AGAP3: variants seen among roughly 807,000 people sequenced by gnomAD.
The protein encoded by AGAP3 is ArfGAP with GTPase domain, ankyrin repeat and PH domain 3.
Under a neutral mutation model 96.9 loss-of-function variants are expected in AGAP3, and 24 were observed. The observed-to-expected ratio is 0.25, with a 90% CI of 0.18 to 0.35. The LOEUF (loss-of-function observed/expected upper bound fraction) is 0.35. AGAP3 is among the 10% of genes least tolerant of loss of function. The pLI is 1.00. For synonymous variants in AGAP3, 563 were observed against 536.1 expected (o/e 1.05, Z -0.69); for missense variants, 876 against 1,254.2 (o/e 0.70, Z 4.55).
At chr7:151,112,158 T>C (rs1799317882) in intron 1 of AGAP3, 1 of 152,240 alleles carries the variant, frequency 6.6e-6, no homozygotes, top group African/African-American at 2.4e-5. Context: ...GAGACATTTA[T>C]GTGGGAGCAG....
In AGAP3 at chr7:151,119,967, G is replaced by A. The variant is rs1006394770; in HGVS notation, c.970-20G>A. On this transcript the variant is annotated intron_variant, in intron 7 of 17. Transcript: ENST00000397238. ...CGCCCCTGACCCGGAGCTGCCCTCAGCAGCCCTCTTTGTCCTTAGGCCACG... is the reference window on the plus strand; with the variant it reads ...CGCCCCTGACCCGGAGCTGCCCTCAACAGCCCTCTTTGTCCTTAGGCCACG... 3 of 1,612,490 alleles carry A rather than the reference G, an allele frequency of 1.9e-6. No individual in the cohort carries two copies. Among genetic ancestry groups the A allele is most frequent in the East Asian group, 4.5e-5 (2 of 44,880 alleles).
chr7:151,109,362 T>A (rs527342859), intron 1 of AGAP3, among the ~76,000 whole-genome samples: 11 of 152,250 alleles, frequency 7.2e-5, no homozygotes, highest in African/African-American at 1.2e-4. Context: ...CCAAAAAGTT[T>A]ACTGTGTCAC....
At chr7:151,117,840 G>C (rs1356191659) in intron 5 of AGAP3, 63 bp downstream of exon 5, 56 of 1,527,258 alleles carry the variant, frequency 3.7e-5, no homozygotes, top group Non-Finnish European at 4.8e-5. Context: ...ATGCATGGGG[G>C]CAGGGGTGGG....
intron 8 of AGAP3, chr7:151,122,912 G>A (rs1175834390): frequency 8.1e-6 from 12 of 1,486,408 alleles, no homozygotes; most frequent in African/African-American, 1.4e-5. Flanking sequence ...AGAGACCCAC[G>A]GGAACCTTTG....
At chr7:151,134,083 G>C (rs1212875846) in intron 10 of AGAP3, among the ~76,000 whole-genome samples, 1 of 152,164 alleles carries the variant, frequency 6.6e-6, no homozygotes, top group African/African-American at 2.4e-5. Context: ...GCCTGGCCCA[G>C]CACTTGGCCT....
rs1369432615 is a variant in AGAP3, at chr7:151,140,167, T to C, written c.1804+51T>C. The C allele has an allele frequency of 2.0e-6, 3 of 1,480,758 alleles. No individual in the cohort carries two copies. The African/African-American group carries it at 4.3e-5, about 21-fold the overall frequency. The allele number at this position is 1,480,758 out of a possible 1,614,324, so 91.7% of individuals were successfully genotyped here. A position where few individuals can be genotyped will look rare whatever the true frequency, so the allele number is the denominator to read the frequency against. On this transcript the variant is annotated intron_variant, in intron 13 of 17. Transcript: ENST00000397238. The surrounding 1 kb of genome is among the most constrained non-coding windows in gnomAD (Gnocchi z 5.4). Reference sequence around the variant, plus strand: ...GGCACAGGAGGTGGGCAGTGGGACTTGGGGATAGTACCCTAAAAGTAACAC... The same window carrying C: ...GGCACAGGAGGTGGGCAGTGGGACTCGGGGATAGTACCCTAAAAGTAACAC...
At position 151,114,971 on chromosome 7, in the gene AGAP3, G is replaced by A. The variant is rs1236491595; in HGVS notation, c.332-1822G>A. The A allele has an allele frequency of 2.0e-6, 2 of 982,580 alleles. No individual in the cohort carries two copies. Among genetic ancestry groups the A allele is most frequent in the Non-Finnish European group, 1.2e-6 (1 of 829,942 alleles). The allele number at this position is 982,580 out of a possible 1,614,324, so 60.9% of individuals were successfully genotyped here. A position where few individuals can be genotyped will look rare whatever the true frequency, so the allele number is the denominator to read the frequency against. ...GCGTGTGCTCGGGCGGCCCGGAGCC[G>A]CCGCCCACCGGCGCCCGCGGCCTTT... On this transcript the variant is annotated intron_variant, in intron 1 of 17. Transcript: ENST00000397238. The surrounding 1 kb of genome is among the most constrained non-coding windows in gnomAD (Gnocchi z 4.4).
At chr7:151,132,773 C>T (rs1198212916) in intron 10 of AGAP3, among the ~76,000 whole-genome samples, 6 of 152,224 alleles carry the variant, frequency 3.9e-5, no homozygotes, top group Non-Finnish European at 8.8e-5. Context: ...GTAACCTCCT[C>T]ACCTTCTCTT....
intron 1 of AGAP3, among the ~76,000 whole-genome samples, chr7:151,092,511 G>A (rs551067949): frequency 1.6e-4 from 25 of 152,342 alleles, no homozygotes; most frequent in Middle Eastern, 6.8e-3. Flanking sequence ...GAAGGGGGGT[G>A]AGCCCAGCCA....
rs1286721719 is a variant in AGAP3, at chr7:151,086,634, C to CCCGGCCCCG, written c.-105_-97dup. Reference sequence around the variant, plus strand: ...AGCCCCGCGCCGCCAGCCCAGTAGTCCCGGCCCCGCCAGCCCCGCGCTCCC... The same window carrying CCCGGCCCCG: ...AGCCCCGCGCCGCCAGCCCAGTAGTCCCGGCCCCGCCGGCCCCGCCAGCCCCGCGCTCCC... On this transcript the variant is annotated 5_prime_UTR_variant, in exon 1 of 18. Coordinates refer to ENST00000397238, the MANE Select transcript of AGAP3 (RefSeq NM_031946.7). 1.3e-5 allele frequency: 2 copies of CCCGGCCCCG among 154,306 alleles called. No homozygotes were observed. The highest frequency in any genetic ancestry group is 2.7e-5 in the Non-Finnish European group (2 of 73,148). The allele number at this position is 154,306 out of a possible 1,614,324, so 9.6% of individuals were successfully genotyped here.
intron 12 of AGAP3, among the ~76,000 whole-genome samples, chr7:151,138,593 C>CGGCGCTA: frequency 6.6e-6 from 1 of 152,298 alleles, no homozygotes; most frequent in South Asian, 2.1e-4. Context: ...TGCCTGGGGC[C>CGGCGCTA]GGCGCTAGAG....
intron 1 of AGAP3, among the ~76,000 whole-genome samples, chr7:151,099,359 A>T (rs1045872589): frequency 6.9e-6 from 1 of 145,026 alleles, no homozygotes; most frequent in Non-Finnish European, 1.5e-5. Flanking sequence ...AAAAAAAAAA[A>T]TCAGAATAAT....
intron 1 of AGAP3, among the ~76,000 whole-genome samples, chr7:151,102,402 A>G (rs1798867139): frequency 6.6e-6 from 1 of 152,170 alleles, no homozygotes; most frequent in Non-Finnish European, 1.5e-5. Context: ...CAAGATTGAC[A>G]GCTTCTGCTG....
At chr7:151,127,265 C>T (rs1800217106) in intron 9 of AGAP3, among the ~76,000 whole-genome samples, 1 of 152,212 alleles carries the variant, frequency 6.6e-6, no homozygotes, top group Non-Finnish European at 1.5e-5. Flanking sequence ...GTGCCTGCAT[C>T]TCTTAGTCCC....
intron 1 of AGAP3, among the ~76,000 whole-genome samples, chr7:151,112,953 C>T (rs781332407): frequency 6.6e-6 from 1 of 152,088 alleles, no homozygotes; most frequent in Non-Finnish European, 1.5e-5. Flanking sequence ...AGGCTGGTCT[C>T]GGACTCCTGA....
chr7:151,143,992 C>T lies in AGAP3; in HGVS notation c.*49C>T, dbSNP rs776448254. ...CCAGAAGGACTCCATGGCCCAAAGA[C>T]CCTCCTCCCTGCAGGCACTGTGGGA... is the stretch of plus-strand genomic sequence containing the variant. On this transcript the variant is annotated 3_prime_UTR_variant, in exon 18 of 18. Transcript: ENST00000397238. The surrounding 1 kb of genome is among the most constrained non-coding windows in gnomAD (Gnocchi z 5.9). 3.6e-5 allele frequency: 56 copies of T among 1,555,722 alleles called. No individual in the cohort carries two copies. The highest frequency in any genetic ancestry group is 4.7e-5 in the Non-Finnish European group (53 of 1,133,026).
At chr7:151,089,211 G>C (rs1798285095) in intron 1 of AGAP3, among the ~76,000 whole-genome samples, 1 of 152,058 alleles carries the variant, frequency 6.6e-6, no homozygotes, top group Non-Finnish European at 1.5e-5. Context: ...TATCCTTCCT[G>C]CGATAGAACT....
chr7:151,114,566 T>G lies in AGAP3; in HGVS notation c.332-2227T>G. 1 of 343,280 alleles carries G rather than the reference T, an allele frequency of 2.9e-6. No individual in the cohort carries two copies. Among genetic ancestry groups the G allele is most frequent in the Non-Finnish European group, 4.1e-6 (1 of 241,942 alleles). 21.3% of individuals were successfully genotyped at this position (343,280 alleles called of 1,614,324 possible). ...GTTCCCGGGCGTTCCAGGCCAGACTTGCCGCCTCTCTCTCCGGGCTGGGCT... is the reference window on the plus strand; with the variant it reads ...GTTCCCGGGCGTTCCAGGCCAGACTGGCCGCCTCTCTCTCCGGGCTGGGCT... On this transcript the variant is annotated intron_variant, in intron 1 of 17. Transcript: ENST00000397238. The surrounding 1 kb of genome is among the most constrained non-coding windows in gnomAD (Gnocchi z 4.4).
chr7:151,125,414 T>TA (rs538379072), intron 9 of AGAP3, among the ~76,000 whole-genome samples: 317 of 150,018 alleles, frequency 2.1e-3, no homozygotes, highest in African/African-American at 7.4e-3. Context: ...GGTCCAGTCT[T>TA]AGAGTTAGTA....
Sources: gnomAD v4.1 joint callset for allele counts (sites outside exome capture counted in the v4.1 genomes callset) on GRCh38, gnomAD v4.1.1 for gene constraint, Gnocchi (gnomAD v3.1) non-coding constraint, MANE v1.5 for transcripts, NCBI Gene and HGNC (gene_info 2026-07-23, HGNC 2026-07-21) for gene names.